PTPN12: variants seen among roughly 807,000 people sequenced by gnomAD.
PTPN12 encodes the protein tyrosine-protein phosphatase non-receptor type 12.
Under a neutral mutation model 97.6 loss-of-function variants are expected in PTPN12, and 29 were observed. That is an observed-to-expected ratio of 0.30 (90% CI 0.22 to 0.41). The LOEUF (loss-of-function observed/expected upper bound fraction) is 0.41. PTPN12 is among the 10% of genes least tolerant of loss of function. The pLI is 1.00. For synonymous variants in PTPN12, 327 were observed against 300.4 expected (o/e 1.09, Z -0.91); for missense variants, 819 against 926.0 (o/e 0.88, Z 1.50).
chr7:77,550,417 T>TCTGAACATAACTCTGAACA (rs1310448103), intron 1 of PTPN12, among the ~76,000 whole-genome samples: 12 of 152,116 alleles, frequency 7.9e-5, no homozygotes, highest in Admixed American at 2.6e-4. Flanking sequence ...AAATATAAAG[T>TCTGAACATAACTCTGAACA]TAATTTCTGA....
chr7:77,584,977 T>G (rs966290423), intron 4 of PTPN12, among the ~76,000 whole-genome samples: 3 of 152,144 alleles, frequency 2.0e-5, no homozygotes, highest in East Asian at 1.9e-4. Flanking sequence ...TTGAAATGCA[T>G]TTTTAAAATA....
chr7:77,552,972 G>A (rs564265989), intron 1 of PTPN12, among the ~76,000 whole-genome samples: 36 of 152,302 alleles, frequency 2.4e-4, no homozygotes, highest in African/African-American at 8.2e-4. Flanking sequence ...AAATAAATAG[G>A]AGGGGAAAAA....
chr7:77,625,518 T>G (rs979505419), intron 12 of PTPN12, among the ~76,000 whole-genome samples: 8 of 82,010 alleles, frequency 9.8e-5, no homozygotes, highest in Non-Finnish European at 1.7e-4. Flanking sequence ...TCTCTCTCTC[T>G]CTCTCACTCT....
chr7:77,602,859 A>G (rs1788232968), intron 8 of PTPN12, among the ~76,000 whole-genome samples: 1 of 152,198 alleles, frequency 6.6e-6, no homozygotes, highest in African/African-American at 2.4e-5. Context: ...GGGACTTGTT[A>G]TCTGCATTCA....
At chr7:77,629,655 C>T (rs1252943906) in intron 13 of PTPN12, among the ~76,000 whole-genome samples, 1 of 151,970 alleles carries the variant, frequency 6.6e-6, no homozygotes, top group Non-Finnish European at 1.5e-5. Context: ...GTTACTACTA[C>T]ATGACGAGTC....
intron 13 of PTPN12, among the ~76,000 whole-genome samples, chr7:77,629,312 T>C (rs916693896): frequency 6.6e-6 from 1 of 152,200 alleles, no homozygotes; most frequent in African/African-American, 2.4e-5. Flanking sequence ...TATCTTTGTT[T>C]TATTTGAAGG....
chr7:77,578,747 GATAATA>G (rs1024502198), intron 2 of PTPN12, among the ~76,000 whole-genome samples: 1 of 152,024 alleles, frequency 6.6e-6, no homozygotes, highest in African/African-American at 2.4e-5. Context: ...ATTATAATTT[GATAATA>G]ATAATGGCAT....
At chr7:77,581,575 T>C in intron 3 of PTPN12, 72 bp downstream of exon 3, 2 of 888,290 alleles carry the variant, frequency 2.3e-6, no homozygotes, top group South Asian at 1.9e-5. Flanking sequence ...TGTAAAAACT[T>C]TTTGAATTGC....
intron 12 of PTPN12, among the ~76,000 whole-genome samples, chr7:77,625,475 C>T (rs1275228758): frequency 2.9e-4 from 6 of 20,816 alleles, no homozygotes; most frequent in African/African-American, 1.5e-3. Flanking sequence ...GCTGCTCGCT[C>T]TCTCTCTCTC....
At chr7:77,578,813 T>C (rs1398474273) in intron 2 of PTPN12, among the ~76,000 whole-genome samples, 1 of 152,180 alleles carries the variant, frequency 6.6e-6, no homozygotes, top group Non-Finnish European at 1.5e-5. Flanking sequence ...CAATGAATAC[T>C]AGGCAATTCT....
At chr7:77,553,403 A>AT (rs1160245236) in intron 1 of PTPN12, among the ~76,000 whole-genome samples, 1 of 152,252 alleles carries the variant, frequency 6.6e-6, no homozygotes, top group Non-Finnish European at 1.5e-5. Flanking sequence ...GTCTTCAACT[A>AT]TAATAGTGGA....
At chr7:77,592,143 A>G in intron 5 of PTPN12, 42 bp from the exon 6 acceptor site, 1 of 1,517,070 alleles carries the variant, frequency 6.6e-7, no homozygotes, top group Non-Finnish European at 9.1e-7. Context: ...TTTAAGAAAA[A>G]CTTACATGAA....
chr7:77,591,360 C>A (rs1293441690), intron 5 of PTPN12, among the ~76,000 whole-genome samples: 1 of 152,316 alleles, frequency 6.6e-6, no homozygotes, highest in South Asian at 2.1e-4. Context: ...CAAATTGCAT[C>A]ATTTCTTAAT....
intron 14 of PTPN12, 137 bp from the exon 15 acceptor site, chr7:77,635,645 G>T: frequency 2.1e-6 from 1 of 473,504 alleles, no homozygotes; most frequent in Non-Finnish European, 3.7e-6. Context: ...TCAGAAATAT[G>T]CTTACCCAGA....
At chr7:77,545,104 T>C (rs1807151831) in intron 1 of PTPN12, among the ~76,000 whole-genome samples, 1 of 152,276 alleles carries the variant, frequency 6.6e-6, no homozygotes, top group African/African-American at 2.4e-5. Flanking sequence ...TCATACTTTG[T>C]TGACATTGTC....
intron 12 of PTPN12, among the ~76,000 whole-genome samples, chr7:77,624,199 A>G (rs762522356): frequency 5.9e-5 from 9 of 151,914 alleles, no homozygotes; most frequent in Non-Finnish European, 1.2e-4. Flanking sequence ...CCCTGAAGGC[A>G]GAGGTTGCAG....
intron 1 of PTPN12, among the ~76,000 whole-genome samples, chr7:77,565,477 G>C (rs117754956): frequency 6.6e-6 from 1 of 152,326 alleles, no homozygotes; most frequent in South Asian, 2.1e-4. Flanking sequence ...GGCTTGAACT[G>C]CTGTTGAATG....
At chr7:77,611,125 C>CT (rs1421045610) in intron 11 of PTPN12, 79 bp downstream of exon 11, 1 of 1,131,388 alleles carries the variant, frequency 8.8e-7, no homozygotes, top group African/African-American at 1.6e-5. Flanking sequence ...TTTTTGTTGT[C>CT]TTGTGTTTTG....
At chr7:77,589,755 A>G (rs765343910) in intron 5 of PTPN12, among the ~76,000 whole-genome samples, 4 of 152,184 alleles carry the variant, frequency 2.6e-5, no homozygotes, top group Non-Finnish European at 5.9e-5. Flanking sequence ...TTGTCAATAT[A>G]TACATTAATA....
Sources: allele counts gnomAD v4.1 joint callset (sites outside exome capture counted in the v4.1 genomes callset), GRCh38; gene constraint gnomAD v4.1.1; transcripts MANE v1.5; gene names NCBI Gene and HGNC (gene_info 2026-07-23, HGNC 2026-07-21).